The following PRKCE variants were observed in gnomAD, a reference collection of about 807,000 sequenced individuals.
PRKCE encodes the protein protein kinase C epsilon.
PRKCE carries 16 observed loss-of-function variants against 85.4 expected under a neutral mutation model. That is an observed-to-expected ratio of 0.19 (90% CI 0.13 to 0.28). The LOEUF (loss-of-function observed/expected upper bound fraction) is 0.28. PRKCE is among the 10% of genes least tolerant of loss of function. The pLI, the probability that PRKCE is intolerant of heterozygous loss-of-function variation, is 1.00. For missense variants in PRKCE, 573 were observed against 975.2 expected, an observed-to-expected ratio of 0.59 and a Z score of 5.49; for synonymous variants, 388 against 371.5, an observed-to-expected ratio of 1.04 and a Z score of -0.51.
chr2:45,742,363 A>T (rs534306024), intron 1 of PRKCE, among the ~76,000 whole-genome samples: 57 of 152,010 alleles, frequency 3.7e-4, no homozygotes, highest in African/African-American at 1.3e-3. Context: ...TGAGCCCAGG[A>T]TTTCAAGGCT....
At chr2:46,151,372 A>C (rs561568550) in intron 13 of PRKCE, 143 bp downstream of exon 13, 1 of 889,556 alleles carries the variant, frequency 1.1e-6, no homozygotes, top group Admixed American at 2.6e-5. Context: ...ACCTCTGCTC[A>C]TCACCACGGA....
chr2:46,088,246 T>A (rs912367187), intron 11 of PRKCE, among the ~76,000 whole-genome samples: 4 of 152,172 alleles, frequency 2.6e-5, no homozygotes, highest in Non-Finnish European at 1.5e-5. Flanking sequence ...CCACACCCCT[T>A]GTTTCGCACC....
chr2:46,102,196 C>G (rs1199139466), intron 11 of PRKCE, among the ~76,000 whole-genome samples: 1 of 152,122 alleles, frequency 6.6e-6, no homozygotes, highest in Non-Finnish European at 1.5e-5. Context: ...TGCCAGGACA[C>G]CACTGGAGTA....
chr2:45,872,100 A>G (rs574318331), intron 2 of PRKCE, among the ~76,000 whole-genome samples: 19 of 151,732 alleles, frequency 1.3e-4, no homozygotes, highest in African/African-American at 3.9e-4. Flanking sequence ...GAAAAGTCCT[A>G]GTTGTTAATA....
At chr2:46,008,818 ATTCTAGGTT>A (rs1248405372) in intron 9 of PRKCE, among the ~76,000 whole-genome samples, 1 of 152,220 alleles carries the variant, frequency 6.6e-6, no homozygotes, top group Non-Finnish European at 1.5e-5. Flanking sequence ...AGACTCCGAG[ATTCTAGGTT>A]TTCATATAGT....
intron 2 of PRKCE, among the ~76,000 whole-genome samples, chr2:45,962,900 C>G (rs946180093): frequency 6.6e-6 from 1 of 151,994 alleles, no homozygotes; most frequent in African/African-American, 2.4e-5. Flanking sequence ...CTTCTCATCC[C>G]TCTCTCCATG....
At chr2:45,791,304 A>T (rs545382065) in intron 1 of PRKCE, among the ~76,000 whole-genome samples, 2 of 152,186 alleles carry the variant, frequency 1.3e-5, no homozygotes, top group African/African-American at 4.8e-5. Context: ...AACGCGAGAG[A>T]TGGAAAAGAC....
intron 1 of PRKCE, among the ~76,000 whole-genome samples, chr2:45,839,076 T>G (rs1306347835): frequency 6.6e-6 from 1 of 152,046 alleles, no homozygotes; most frequent in Non-Finnish European, 1.5e-5. Context: ...ACAAGGCCGC[T>G]AAGTTTGCTC....
chr2:46,110,807 T>G (rs1333068151), intron 11 of PRKCE, among the ~76,000 whole-genome samples: 1 of 152,138 alleles, frequency 6.6e-6, no homozygotes. Flanking sequence ...GTTTTTCTTG[T>G]TTTTTAATGT....
intron 6 of PRKCE, among the ~76,000 whole-genome samples, chr2:45,998,611 A>G (rs981355438): frequency 6.6e-6 from 1 of 152,172 alleles, no homozygotes; most frequent in Non-Finnish European, 1.5e-5. Flanking sequence ...CACTCTAACA[A>G]TCTGTCTTTT....
chr2:46,151,313 A>ACT (rs1676609363), intron 13 of PRKCE, 84 bp downstream of exon 13: 2 of 1,158,772 alleles, frequency 1.7e-6, no homozygotes, highest in Non-Finnish European at 2.5e-6. Flanking sequence ...ACACACACAC[A>ACT]CACACACACA....
chr2:45,969,903 T>C (rs1053630927), intron 2 of PRKCE, among the ~76,000 whole-genome samples: 1 of 152,242 alleles, frequency 6.6e-6, no homozygotes, highest in Non-Finnish European at 1.5e-5. Flanking sequence ...TTCTTCACCC[T>C]CTTAAAGTTG....
chr2:45,898,607 A>C (rs1696330813), intron 2 of PRKCE, among the ~76,000 whole-genome samples: 1 of 152,228 alleles, frequency 6.6e-6, no homozygotes, highest in South Asian at 2.1e-4. Flanking sequence ...AACCAGTGCA[A>C]TTGAAAGCAC....
intron 1 of PRKCE, among the ~76,000 whole-genome samples, chr2:45,722,798 A>C (rs189376827): frequency 2.6e-3 from 392 of 152,336 alleles, no homozygotes; most frequent in Non-Finnish European, 4.1e-3. Flanking sequence ...CATTGTAGTC[A>C]GTTAAAAGAT....
intron 5 of PRKCE, among the ~76,000 whole-genome samples, chr2:45,982,473 C>T (rs553404335): frequency 6.6e-6 from 1 of 152,234 alleles, no homozygotes; most frequent in Non-Finnish European, 1.5e-5. Context: ...TGTGTCTTAG[C>T]ATGCGGTGGA....
intron 2 of PRKCE, among the ~76,000 whole-genome samples, chr2:45,965,000 C>G (rs1011425787): frequency 1.3e-5 from 2 of 152,188 alleles, no homozygotes; most frequent in Non-Finnish European, 2.9e-5. Context: ...TCATGTTAAA[C>G]TTGAGATGCT....
At chr2:45,676,141 G>A (rs1236850705) in intron 1 of PRKCE, 1 of 152,156 alleles carries the variant, frequency 6.6e-6, no homozygotes, top group Non-Finnish European at 1.5e-5. Context: ...GGGAGCCTCA[G>A]GATAGCTTCA....
chr2:45,782,783 T>TCACA lies in PRKCE; in HGVS notation c.349-60207_349-60204dup, dbSNP rs1032753330. On this transcript the variant is annotated intron_variant, in intron 1 of 14. Coordinates refer to ENST00000306156, the MANE Select transcript of PRKCE (RefSeq NM_005400.3). ...TATACACACACATACACACACACAC[T>TCACA]CACACACACACACCCAGAAAAGGGG... Among the ~76,000 whole-genome samples the TCACA allele has an allele frequency of 4.0e-5, 6 of 150,198 alleles. No individual in the cohort carries two copies. In the East Asian group the frequency reaches 9.8e-4, roughly 25 times the overall value.
intron 2 of PRKCE, among the ~76,000 whole-genome samples, chr2:45,869,570 C>G (rs1693907338): frequency 6.6e-6 from 1 of 152,176 alleles, no homozygotes; most frequent in African/African-American, 2.4e-5. Context: ...AACTCTTCTT[C>G]CTATTGTCCT....
Sources: allele counts gnomAD v4.1 joint callset (sites outside exome capture counted in the v4.1 genomes callset), GRCh38; gene constraint gnomAD v4.1.1; transcripts MANE v1.5; gene names NCBI Gene and HGNC (gene_info 2026-07-23, HGNC 2026-07-21).